Variants in CNTNAP2 observed in about 807,000 individuals in gnomAD.
The protein encoded by CNTNAP2 is contactin associated protein 2.
A neutral mutation model predicts 155.2 loss-of-function variants in CNTNAP2; 98 were observed. The observed-to-expected ratio is 0.63, with a 90% CI of 0.54 to 0.75. The LOEUF (loss-of-function observed/expected upper bound fraction) is 0.75, where lower values mean the gene tolerates loss of function less well. Ranked by LOEUF, CNTNAP2 falls within the 30% of genes least tolerant of loss-of-function variation. The pLI is 0.00. For synonymous variants in CNTNAP2, 651 were observed against 631.2 expected, an observed-to-expected ratio of 1.03 and a Z score of -0.47; for missense variants, 1,727 against 1,688.1, an observed-to-expected ratio of 1.02 and a Z score of -0.40.
At chr7:146,794,469 C>A (rs1460129586) in intron 2 of CNTNAP2, among the ~76,000 whole-genome samples, 1 of 152,114 alleles carries the variant, frequency 6.6e-6, no homozygotes, top group Non-Finnish European at 1.5e-5. Flanking sequence ...TGAATTATTT[C>A]TCTACTGAAA....
At chr7:147,316,757 G>C (rs897496355) in intron 9 of CNTNAP2, among the ~76,000 whole-genome samples, 1 of 152,086 alleles carries the variant, frequency 6.6e-6, no homozygotes, top group Admixed American at 6.5e-5. Context: ...TCAATAACTA[G>C]AAAATGCCTA....
rs200214541 is a variant in CNTNAP2 at position 147,903,706 on chromosome 7, C to A, written c.2240C>A (p.Ala747Glu). 8 of 1,613,740 alleles carry A rather than the reference C, an allele frequency of 5.0e-6. No homozygotes were observed. The highest frequency in any genetic ancestry group is 6.8e-6 in the Non-Finnish European group (8 of 1,179,872). The change falls in exon 14 of 24, where the codon GCG (alanine) becomes GAG (glutamate). Residue 747 changes from alanine (A) to glutamate (E), a missense_variant. Coordinates refer to ENST00000361727, the MANE Select transcript of CNTNAP2 (RefSeq NM_014141.6). Reference sequence around the variant, plus strand: ...CCCAAGTACTACTGTAACTGCGACGCGGACTACAAGCAATGGTGAGTGCCT... The same window carrying A: ...CCCAAGTACTACTGTAACTGCGACGAGGACTACAAGCAATGGTGAGTGCCT... ...TDPKYYCNCD[A>E]DYKQWRKDAG...
chr7:148,003,916 T>C (rs1585072604), intron 15 of CNTNAP2, among the ~76,000 whole-genome samples: 1 of 152,216 alleles, frequency 6.6e-6, no homozygotes, highest in Admixed American at 6.5e-5. Flanking sequence ...TTAATCAGGA[T>C]TATAATATGT....
chr7:148,318,508 G>T (rs1419185854), intron 21 of CNTNAP2, among the ~76,000 whole-genome samples: 3 of 152,106 alleles, frequency 2.0e-5, no homozygotes, highest in African/African-American at 7.2e-5. Context: ...CAGATTGATT[G>T]TTCAGTGAAT....
intron 3 of CNTNAP2, among the ~76,000 whole-genome samples, chr7:146,876,716 A>G (rs1050148841): frequency 2.6e-5 from 4 of 152,176 alleles, no homozygotes; most frequent in Non-Finnish European, 5.9e-5. Flanking sequence ...GATCAACGAT[A>G]CAATAATGTG....
chr7:147,749,025 G>T (rs570540624), intron 13 of CNTNAP2, among the ~76,000 whole-genome samples: 2 of 152,178 alleles, frequency 1.3e-5, no homozygotes, highest in African/African-American at 4.8e-5. Flanking sequence ...GTCAACGATT[G>T]GACAAAGATG....
chr7:147,794,853 T>A (rs1184826683), intron 13 of CNTNAP2, among the ~76,000 whole-genome samples: 1 of 151,910 alleles, frequency 6.6e-6, no homozygotes, highest in African/African-American at 2.4e-5. Context: ...GTCCTTTGCA[T>A]CTTGTTTAAT....
At chr7:148,214,503 T>A (rs540671686) in intron 18 of CNTNAP2, among the ~76,000 whole-genome samples, 1 of 152,350 alleles carries the variant, frequency 6.6e-6, no homozygotes, top group Admixed American at 6.5e-5. Context: ...ATTAAGTAGC[T>A]GTTCAATCCT....
rs188335511 is a variant in CNTNAP2 at position 148,280,646 on chromosome 7, C to A, written c.3475+13520C>A. Reference sequence around the variant, plus strand: ...AGAAAAAGCAATAAAAAGCCGGGCACGGTGGCTCATGCTTGTAATCCCAGC... The same window carrying A: ...AGAAAAAGCAATAAAAAGCCGGGCAAGGTGGCTCATGCTTGTAATCCCAGC... On this transcript the variant is annotated intron_variant, in intron 21 of 23. Transcript: ENST00000361727. Among the ~76,000 whole-genome samples the A allele has an allele frequency of 2.1e-3, 326 of 152,078 alleles. 3 individuals are homozygous for A. Among genetic ancestry groups the A allele is most frequent in the African/African-American group, 7.5e-3 (313 of 41,462 alleles).
At chr7:146,567,149 G>A (rs767361637) in intron 1 of CNTNAP2, among the ~76,000 whole-genome samples, 1 of 152,140 alleles carries the variant, frequency 6.6e-6, no homozygotes, top group Non-Finnish European at 1.5e-5. Context: ...GTAATAAACA[G>A]TATAGGAACA....
Position 146,352,816 on chromosome 7 carries a change from G to A in CNTNAP2, c.97+235843G>A, listed in dbSNP as rs1487949938. On this transcript the variant is annotated intron_variant, in intron 1 of 23. Transcript: ENST00000361727. ...GTCGCCCAGGCTGGAGTTCAGTGGT[G>A]CGATCTCGGCTCACTGCAAGCTCCG... is the stretch of plus-strand genomic sequence containing the variant. Among the ~76,000 whole-genome samples the A allele has an allele frequency of 6.8e-5, 9 of 132,346 alleles. No homozygotes were observed. The East Asian group carries it at 1.3e-3, about 20-fold the overall frequency. The allele number at this position is 132,346 out of a possible 152,430, so 86.8% of individuals were successfully genotyped here.
intron 13 of CNTNAP2, among the ~76,000 whole-genome samples, chr7:147,851,617 T>A (rs1423213652): frequency 6.6e-6 from 1 of 152,100 alleles, no homozygotes; most frequent in African/African-American, 2.4e-5. Flanking sequence ...TGCAGGGCCA[T>A]GGAGAAGCTG....
chr7:147,051,213 A>T (rs1007453222), intron 4 of CNTNAP2, among the ~76,000 whole-genome samples: 4 of 148,858 alleles, frequency 2.7e-5, no homozygotes, highest in African/African-American at 9.8e-5. Context: ...TAAATCATTA[A>T]GAATTTATGT....
intron 8 of CNTNAP2, among the ~76,000 whole-genome samples, chr7:147,197,772 A>G (rs532823864): frequency 1.2e-4 from 19 of 152,334 alleles, no homozygotes; most frequent in Non-Finnish European, 2.4e-4. Context: ...ATTTTCTTCA[A>G]TAGCTTTATA....
intron 1 of CNTNAP2, among the ~76,000 whole-genome samples, chr7:146,450,471 A>T (rs941876303): frequency 3.3e-5 from 5 of 152,204 alleles, no homozygotes; most frequent in Non-Finnish European, 7.4e-5. Flanking sequence ...AGAAAACTTG[A>T]TTAACTTATA....
At position 148,409,413 on chromosome 7, in the gene CNTNAP2, T is replaced by A; in HGVS notation, c.3738T>A (p.Asn1246Lys). 6.2e-7 allele frequency: 1 copy of A among 1,613,614 alleles called. No homozygotes were observed. Among genetic ancestry groups the A allele is most frequent in the Admixed American group, 1.7e-5 (1 of 60,002 alleles). Residue 1246 changes from asparagine to lysine, a missense_variant, in exon 23 of 24, where the codon AAT (asparagine) becomes AAA (lysine). Asn to Lys is a moderately conservative substitution (Grantham distance 94, BLOSUM62 0). Transcript: ENST00000361727. Reference sequence around the variant, plus strand: ...CAGCCAGTGCGGATTTTCCATATAATCCAGGACAAGGCCAAGCTATAAGAA... The same window carrying A: ...CAGCCAGTGCGGATTTTCCATATAAACCAGGACAAGGCCAAGCTATAAGAA... ...LDSASADFPY[N>K]PGQGQAIRNG...
intron 14 of CNTNAP2, among the ~76,000 whole-genome samples, chr7:147,962,896 C>T (rs951179121): frequency 1.3e-5 from 2 of 152,094 alleles, no homozygotes; most frequent in African/African-American, 4.8e-5. Context: ...GAATACTATC[C>T]TGCCAGGGAA....
At chr7:146,333,565 G>A (rs1300157342) in intron 1 of CNTNAP2, among the ~76,000 whole-genome samples, 1 of 152,012 alleles carries the variant, frequency 6.6e-6, no homozygotes, top group Non-Finnish European at 1.5e-5. Flanking sequence ...TTTTATGTAA[G>A]GAGAGGAAAA....
At chr7:147,996,819 C>T (rs1801811046) in intron 15 of CNTNAP2, among the ~76,000 whole-genome samples, 1 of 152,132 alleles carries the variant, frequency 6.6e-6, no homozygotes, top group South Asian at 2.1e-4. Context: ...GAACAAAAGG[C>T]TCAATCAGTC....
Sources: gnomAD v4.1 joint callset for allele counts (sites outside exome capture counted in the v4.1 genomes callset) on GRCh38, gnomAD v4.1.1 for gene constraint, MANE v1.5 for transcripts, NCBI Gene and HGNC (gene_info 2026-07-23, HGNC 2026-07-21) for gene names.